The following SDK1 variants were observed in gnomAD, a reference collection of about 807,000 sequenced individuals.
SDK1 encodes sidekick cell adhesion molecule 1.
SDK1 carries 157 observed loss-of-function variants against 245.5 expected under a neutral mutation model. The observed-to-expected ratio is 0.64, with a 90% CI of 0.56 to 0.73. The LOEUF (loss-of-function observed/expected upper bound fraction) is 0.73. Among genes scored for constraint, SDK1 ranks in the 30% least tolerant of loss-of-function variants. The pLI is 0.00. For synonymous variants in SDK1, 1,647 were observed against 1,278.5 expected, an observed-to-expected ratio of 1.29 and a Z score of -6.15; for missense variants, 3,583 against 3,002.3, an observed-to-expected ratio of 1.19 and a Z score of -4.52.
intron 4 of SDK1, among the ~76,000 whole-genome samples, chr7:3,719,047 T>A (rs939139177): frequency 6.6e-6 from 1 of 152,184 alleles, no homozygotes; most frequent in African/African-American, 2.4e-5. Flanking sequence ...TTCATCCTAA[T>A]GCCTAAGTCC....
chr7:3,616,433 A>C (rs1202222), intron 1 of SDK1, among the ~76,000 whole-genome samples: 90,929 of 151,868 alleles, frequency 0.6, 27,561 homozygotes, highest in Non-Finnish European at 0.66. Flanking sequence ...GCACCTGCAG[A>C]AAGTCTTGCT....
intron 17 of SDK1, among the ~76,000 whole-genome samples, chr7:4,041,636 G>GAGGCCACGCTGCACAC (rs1366312579): frequency 2.2e-5 from 3 of 138,920 alleles, no homozygotes; most frequent in Admixed American, 6.7e-5. Flanking sequence ...GCAGCCACTG[G>GAGGCCACGCTGCACAC]TCCTTTTGCT....
intron 1 of SDK1, among the ~76,000 whole-genome samples, chr7:3,580,012 A>G (rs747753294): frequency 6.6e-5 from 10 of 152,208 alleles, no homozygotes; most frequent in Non-Finnish European, 1.5e-4. Flanking sequence ...CCAAGCTGAG[A>G]GCCAAGTAGG....
chr7:4,214,814 G>T (rs1441745665), intron 38 of SDK1, among the ~76,000 whole-genome samples: 1 of 152,216 alleles, frequency 6.6e-6, no homozygotes, highest in Non-Finnish European at 1.5e-5. Context: ...CATGACACCT[G>T]GCTCTGACTA....
At chr7:3,781,278 C>T (rs887259803) in intron 4 of SDK1, among the ~76,000 whole-genome samples, 2 of 152,094 alleles carry the variant, frequency 1.3e-5, no homozygotes, top group Admixed American at 6.5e-5. Context: ...AGCCAGCAAT[C>T]TCATCAAACA....
intron 2 of SDK1, among the ~76,000 whole-genome samples, chr7:3,622,513 G>T (rs1464475098): frequency 6.6e-6 from 1 of 152,078 alleles, no homozygotes; most frequent in Non-Finnish European, 1.5e-5. Flanking sequence ...TGGTGTAACG[G>T]CTTTATTTTA....
intron 34 of SDK1, among the ~76,000 whole-genome samples, 192 bp downstream of exon 34, chr7:4,176,026 T>A (rs752708151): frequency 6.6e-6 from 1 of 152,092 alleles, no homozygotes; most frequent in Non-Finnish European, 1.5e-5. Flanking sequence ...AAACAGAGGC[T>A]GGGGAAATTT....
At chr7:4,105,085 C>T (rs980547812) in intron 22 of SDK1, among the ~76,000 whole-genome samples, 7 of 152,104 alleles carry the variant, frequency 4.6e-5, no homozygotes, top group African/African-American at 1.7e-4. Flanking sequence ...CAAGTTCAAG[C>T]AATTCTCCTG....
At chr7:4,125,820 G>T (rs1562847276) in intron 25 of SDK1, among the ~76,000 whole-genome samples, 1 of 152,198 alleles carries the variant, frequency 6.6e-6, no homozygotes, top group East Asian at 1.9e-4. Context: ...CTGACCACCA[G>T]GAGGGGAGAG....
chr7:4,173,412 C>G (rs1380621433), intron 32 of SDK1, among the ~76,000 whole-genome samples: 1 of 152,166 alleles, frequency 6.6e-6, no homozygotes, highest in African/African-American at 2.4e-5. Flanking sequence ...AAAAGGCAAG[C>G]CTTGCGCTGG....
At chr7:4,100,565 C>T (rs114875791) in intron 22 of SDK1, among the ~76,000 whole-genome samples, 1,691 of 152,228 alleles carry the variant, frequency 0.011, 31 homozygotes, top group African/African-American at 0.039. Context: ...CTCACCAATG[C>T]GATGAGTGCC....
chr7:4,136,257 A>G (rs73048332), intron 28 of SDK1, among the ~76,000 whole-genome samples: 4,450 of 152,264 alleles, frequency 0.029, 92 homozygotes, highest in Admixed American at 0.042. Flanking sequence ...CCCATGGGTC[A>G]TTACAGCCGG....
chr7:3,383,822 A>G (rs1023785471), intron 1 of SDK1, among the ~76,000 whole-genome samples: 2 of 152,210 alleles, frequency 1.3e-5, no homozygotes, highest in African/African-American at 4.8e-5. Context: ...CCTTTCACAA[A>G]TGGGTCTCAT....
chr7:3,861,514 A>G (rs1301081715), intron 5 of SDK1, among the ~76,000 whole-genome samples: 2 of 152,188 alleles, frequency 1.3e-5, no homozygotes, highest in East Asian at 1.9e-4. Context: ...GGGTGCCACC[A>G]AAAATAAATG....
intron 4 of SDK1, among the ~76,000 whole-genome samples, chr7:3,788,201 G>A (rs541755874): frequency 5.9e-4 from 90 of 152,294 alleles, no homozygotes; most frequent in Non-Finnish European, 8.7e-4. Flanking sequence ...CAGTGTCCCC[G>A]CCTCTCAACA....
chr7:3,525,513 T>A (rs997680490), intron 1 of SDK1, among the ~76,000 whole-genome samples: 2 of 152,130 alleles, frequency 1.3e-5, no homozygotes, highest in African/African-American at 4.8e-5. Context: ...ACTCGGCATC[T>A]CCCAGCACCA....
At chr7:3,346,074 T>C (rs1285941917) in intron 1 of SDK1, among the ~76,000 whole-genome samples, 1 of 152,164 alleles carries the variant, frequency 6.6e-6, no homozygotes, top group Non-Finnish European at 1.5e-5. Flanking sequence ...AGATTTAGAG[T>C]CTCAGTTTTT....
chr7:3,385,110 G>C (rs1562454670), intron 1 of SDK1, among the ~76,000 whole-genome samples: 1 of 152,148 alleles, frequency 6.6e-6, no homozygotes, highest in Non-Finnish European at 1.5e-5. Context: ...CCTGAATTTT[G>C]GGTCAGGAGA....
At chr7:4,083,159 C>G (rs190903594) in intron 22 of SDK1, among the ~76,000 whole-genome samples, 1 of 152,254 alleles carries the variant, frequency 6.6e-6, no homozygotes, top group East Asian at 1.9e-4. Flanking sequence ...CAGCTTTTGA[C>G]TTAGCTACAC....
Sources: gnomAD v4.1 joint callset for allele counts (sites outside exome capture counted in the v4.1 genomes callset) on GRCh38, gnomAD v4.1.1 for gene constraint, MANE v1.5 for transcripts, NCBI Gene and HGNC (gene_info 2026-07-23, HGNC 2026-07-21) for gene names.